The following AHDC1 variants were observed in gnomAD, a reference collection of about 807,000 sequenced individuals.
The protein encoded by AHDC1 is transcription factor Gibbin.
Under a neutral mutation model 87.9 loss-of-function variants are expected in AHDC1, and 7 were observed. The observed-to-expected ratio is 0.08, with a 90% CI of 0.05 to 0.15. AHDC1 has a LOEUF of 0.15. Ranked by LOEUF, AHDC1 falls within the 10% of genes least tolerant of loss-of-function variation. AHDC1 has a pLI of 1.00. For missense variants in AHDC1, 1,841 were observed against 2,253.2 expected (o/e 0.82, Z 3.70); for synonymous variants, 1,051 against 1,006.8 (o/e 1.04, Z -0.83).
At chr1:27,552,359 A>C in intron 7 of AHDC1, 170 bp from the exon 8 acceptor site, 2 of 518,796 alleles carry the variant, frequency 3.9e-6, no homozygotes, top group East Asian at 3.5e-5. Flanking sequence ...CCTTTCTCAA[A>C]CCACCATGTG....
In AHDC1 at chr1:27,560,652, T is replaced by C. The variant is rs2020034351; in HGVS notation, c.-628-1769A>G. Among the ~76,000 whole-genome samples the C allele has an allele frequency of 6.6e-6, 1 of 151,994 alleles. No individual in the cohort carries two copies. The highest frequency in any genetic ancestry group is 2.1e-4 in the South Asian group (1 of 4,818). The stretch of plus-strand genomic sequence containing the variant: ...TGTGTGTGTCCATGCATGTGTGGAT[T>C]TGTGTGACCTTATTGTGTGTCTGTG... On this transcript the variant is annotated intron_variant, in intron 3 of 8. Transcript: ENST00000673934. This position sits in a 1 kb window ranked among gnomAD's most constrained non-coding sequence, Gnocchi z 4.1.
At chr1:27,545,133 G>A (rs568422973) in intron 8 of AHDC1, among the ~76,000 whole-genome samples, 1 of 151,210 alleles carries the variant, frequency 6.6e-6, no homozygotes, top group African/African-American at 2.4e-5. Flanking sequence ...CATGCTGTGT[G>A]CGCTCACAAG....
In AHDC1 at chr1:27,547,788, T is replaced by C. The variant is rs973677475; in HGVS notation, c.4328A>G (p.His1443Arg). The C allele has an allele frequency of 4.5e-6, 7 of 1,568,194 alleles. No homozygotes were observed. Among genetic ancestry groups the C allele is most frequent in the South Asian group, 1.2e-5 (1 of 85,448 alleles). ...SLGHAAAAQA[H>R]LSCRDLPLGQ... ...CAGCGGCAGGTCCCGGCAGCTCAGG[T>C]GGGCCTGGGCTGCAGCTGCGTGGCC... Residue 1443 changes from histidine to arginine, a missense_variant, in exon 8 of 9, where the codon CAC (histidine) becomes CGC (arginine). Physicochemically the swap from His to Arg is conservative, Grantham distance 29. This residue lies in a region of AHDC1 where 505 missense variants were observed against 626.2 expected (regional missense o/e 0.81). Transcript: ENST00000673934. This position sits in a 1 kb window ranked among gnomAD's most constrained non-coding sequence, Gnocchi z 4.9.
At position 27,565,858 on chromosome 1, in the gene AHDC1, T is replaced by C. The variant is rs2020295647; in HGVS notation, c.-628-6975A>G. Among the ~76,000 whole-genome samples, 1 of 152,192 alleles carries C rather than the reference T, an allele frequency of 6.6e-6. No individual in the cohort carries two copies. The highest frequency in any genetic ancestry group is 2.4e-5 in the African/African-American group (1 of 41,434). ...GCTAGTGGAAGGTAGACTAGATGGA[T>C]GGAGCCCATCCCCTAAAACCCTGGA... On this transcript the variant is annotated intron_variant, in intron 3 of 8. Transcript: ENST00000673934. The surrounding 1 kb of genome is among the most constrained non-coding windows in gnomAD (Gnocchi z 4.6).
intron 3 of AHDC1, among the ~76,000 whole-genome samples, chr1:27,567,553 G>A (rs918504749): frequency 8.5e-5 from 13 of 152,074 alleles, no homozygotes; most frequent in Non-Finnish European, 5.9e-5. Context: ...CATTCCACCA[G>A]GCCAGGCTAT....
At position 27,538,583 on chromosome 1, in the gene AHDC1, C is replaced by T. The variant is rs532156032; in HGVS notation, c.*44-3667G>A. Among the ~76,000 whole-genome samples, 7 of 151,260 alleles carry T rather than the reference C, an allele frequency of 4.6e-5. No homozygotes were observed. The East Asian group carries it at 9.9e-4, about 21-fold the overall frequency. On this transcript the variant is annotated intron_variant, in intron 8 of 8. Coordinates refer to ENST00000673934, the MANE Select transcript of AHDC1 (RefSeq NM_001371928.1). ...AGGCTAGAGTGCAGTGGCACAATCA[C>T]GGCTCACTGCAACCTCCACCTTCCA...
chr1:27,554,914 T>A (rs2019751144), intron 5 of AHDC1, among the ~76,000 whole-genome samples: 1 of 152,180 alleles, frequency 6.6e-6, no homozygotes, highest in South Asian at 2.1e-4. Flanking sequence ...CTGGGAGGCA[T>A]GATTTATTAT....
Position 27,598,699 on chromosome 1 carries a change from AG to A in AHDC1, c.-629+4697del, listed in dbSNP as rs1363756274. On this transcript the variant is annotated intron_variant, in intron 3 of 8. Coordinates refer to ENST00000673934, the MANE Select transcript of AHDC1 (RefSeq NM_001371928.1). The surrounding 1 kb of genome is among the most constrained non-coding windows in gnomAD (Gnocchi z 4.2). ...ACCAGTGTCACCCCCACAACAGTGG[AG>A]GCTGGTTTTGGCCATGTAGTGACCC... Among the ~76,000 whole-genome samples, 2 of 152,130 alleles carry A rather than the reference AG, an allele frequency of 1.3e-5. No homozygotes were observed. The highest frequency in any genetic ancestry group is 2.9e-5 in the Non-Finnish European group (2 of 67,982).
rs529352411 is a variant in AHDC1, at chr1:27,547,234, C to T, written c.*43+27G>A. ...CCTCTTCCCACCCCCAGGCCTCTGC[C>T]CACTGCGCCCACATCCCCAGACTCA... On this transcript the variant is annotated intron_variant, in intron 8 of 8. Transcript: ENST00000673934. The surrounding 1 kb of genome is among the most constrained non-coding windows in gnomAD (Gnocchi z 4.9). The T allele has an allele frequency of 3.7e-4, 533 of 1,445,548 alleles. 1 individual carries two copies. The highest frequency in any genetic ancestry group is 4.5e-4 in the Non-Finnish European group (490 of 1,077,768). 89.5% of individuals were successfully genotyped at this position (1,445,548 alleles called of 1,614,324 possible).
intron 8 of AHDC1, among the ~76,000 whole-genome samples, chr1:27,538,111 A>G (rs2018727348): frequency 6.6e-6 from 1 of 152,070 alleles, no homozygotes; most frequent in Non-Finnish European, 1.5e-5. Context: ...GGCAAAAAAG[A>G]GTGCATGAGG....
chr1:27,547,791 G>C lies in AHDC1; in HGVS notation c.4325C>G (p.Ala1442Gly). The change falls in exon 8 of 9, where the codon GCC (alanine) becomes GGC (glycine). Residue 1442 changes from alanine (A) to glycine (G), a missense_variant. This residue lies in a region of AHDC1 where 505 missense variants were observed against 626.2 expected (regional missense o/e 0.81). Transcript: ENST00000673934. This position sits in a 1 kb window ranked among gnomAD's most constrained non-coding sequence, Gnocchi z 4.9. Reference protein sequence around the residue: ...ASLGHAAAAQAHLSCRDLPLG... With the variant: ...ASLGHAAAAQGHLSCRDLPLG... The stretch of plus-strand genomic sequence containing the variant: ...CGGCAGGTCCCGGCAGCTCAGGTGG[G>C]CCTGGGCTGCAGCTGCGTGGCCCAG... 1 of 1,570,242 alleles carries C rather than the reference G, an allele frequency of 6.4e-7. No individual in the cohort carries two copies. The highest frequency in any genetic ancestry group is 8.6e-7 in the Non-Finnish European group (1 of 1,156,924).
chr1:27,566,016 G>C (rs1451405528), intron 3 of AHDC1, among the ~76,000 whole-genome samples: 1 of 152,176 alleles, frequency 6.6e-6, no homozygotes, highest in Admixed American at 6.5e-5. Context: ...TAAAAAGAGG[G>C]ATCCTTTGGG....
intron 3 of AHDC1, among the ~76,000 whole-genome samples, chr1:27,603,072 C>T (rs943792099): frequency 6.9e-6 from 1 of 145,122 alleles, no homozygotes; most frequent in Non-Finnish European, 1.5e-5. Flanking sequence ...GAGGAGGGGG[C>T]GCGCGGCAGC....
chr1:27,550,856 C>T lies in AHDC1; in HGVS notation c.1260G>A (p.Thr420=), dbSNP rs779712044. 1.3e-5 allele frequency: 20 copies of T among 1,576,898 alleles called. No homozygotes were observed. The highest frequency in any genetic ancestry group is 4.0e-5 in the African/African-American group (3 of 74,260). Residue 420 remains threonine (T), a synonymous_variant, in exon 8 of 9, where the codon ACG becomes ACA. Transcript: ENST00000673934. ...GTTCGGCCAGGGCAGCCACCAGCCC[C>T]GTGGGCATAGGCAGGGGCAGTAGGC... ...EGRLLPLPMP[T]GLVAALAEPP...
At chr1:27,545,795 G>C (rs1207116305) in intron 8 of AHDC1, among the ~76,000 whole-genome samples, 1 of 152,020 alleles carries the variant, frequency 6.6e-6, no homozygotes, top group Non-Finnish European at 1.5e-5. Context: ...AGAGCTGCGA[G>C]AGCCTAAGGG....
chr1:27,562,284 A>C lies in AHDC1; in HGVS notation c.-628-3401T>G, dbSNP rs2020123757. Reference sequence around the variant, plus strand: ...GAGCCTGGGAGAGATAACAGGCCCGAATAGTGCTGACTTGCGGTTCAGAAA... The same window carrying C: ...GAGCCTGGGAGAGATAACAGGCCCGCATAGTGCTGACTTGCGGTTCAGAAA... On this transcript the variant is annotated intron_variant, in intron 3 of 8. Coordinates refer to ENST00000673934, the MANE Select transcript of AHDC1 (RefSeq NM_001371928.1). This position sits in a 1 kb window ranked among gnomAD's most constrained non-coding sequence, Gnocchi z 4.4. Among the ~76,000 whole-genome samples the C allele has an allele frequency of 6.6e-6, 1 of 152,166 alleles. No individual in the cohort carries two copies. The highest frequency in any genetic ancestry group is 2.4e-5 in the African/African-American group (1 of 41,442).
chr1:27,555,411 C>T (rs1485320090), intron 5 of AHDC1, among the ~76,000 whole-genome samples: 19 of 152,198 alleles, frequency 1.2e-4, no homozygotes, highest in Admixed American at 1.2e-3. Flanking sequence ...GTGGAACATC[C>T]CTCTATCCAC....
intron 3 of AHDC1, among the ~76,000 whole-genome samples, chr1:27,586,073 G>A (rs1017493623): frequency 2.0e-5 from 3 of 152,212 alleles, no homozygotes; most frequent in Non-Finnish European, 4.4e-5. Context: ...GAGGGGAAAG[G>A]AGCTGCTGTT....
intron 3 of AHDC1, among the ~76,000 whole-genome samples, chr1:27,583,860 C>A (rs1188167572): frequency 6.6e-6 from 1 of 152,116 alleles, no homozygotes; most frequent in African/African-American, 2.4e-5. Flanking sequence ...TTTATTATTT[C>A]TATAGCATCT....
Sources: allele counts gnomAD v4.1 joint callset (sites outside exome capture counted in the v4.1 genomes callset), GRCh38; gene constraint gnomAD v4.1.1; regional missense constraint gnomAD v4.1.1; non-coding constraint Gnocchi (gnomAD v3.1); transcripts MANE v1.5; gene names NCBI Gene and HGNC (gene_info 2026-07-23, HGNC 2026-07-21).